Variants in STK32C observed in about 807,000 individuals in gnomAD.
STK32C encodes the protein serine/threonine kinase 32C, also known as serine/threonine-protein kinase 32C.
Under a neutral mutation model 56.5 loss-of-function variants are expected in STK32C, and 31 were observed. That is an observed-to-expected ratio of 0.55 (90% confidence interval 0.41 to 0.74). The LOEUF (loss-of-function observed/expected upper bound fraction) is 0.74, where lower values mean the gene tolerates loss of function less well. Ranked by LOEUF, STK32C falls within the 30% of genes least tolerant of loss-of-function variation. STK32C has a pLI of 0.00. For missense variants in STK32C, 544 were observed against 676.9 expected (o/e 0.80, Z 2.18); for synonymous variants, 309 against 289.4 (o/e 1.07, Z -0.69).
In STK32C at chr10:132,280,018, C is replaced by T. The variant is rs571702836; in HGVS notation, c.262+27554G>A. Among the ~76,000 whole-genome samples, 7 of 142,240 alleles carry T rather than the reference C, an allele frequency of 4.9e-5. No homozygotes were observed. The Admixed American group carries it at 4.9e-4, about 10-fold the overall frequency. The allele number at this position is 142,240 out of a possible 152,430, so 93.3% of individuals were successfully genotyped here. A position where few individuals can be genotyped will look rare whatever the true frequency, so the allele number is the denominator to read the frequency against. On this transcript the variant is annotated intron_variant, in intron 1 of 11. Coordinates refer to ENST00000298630, the MANE Select transcript of STK32C (RefSeq NM_173575.4). ...CCTGCACTCTGTGACCACGCCCCTG[C>T]ACTCCATGATCAGGACACTCCACTC... is the stretch of plus-strand genomic sequence containing the variant.
At chr10:132,238,758 C>T (rs77963347) in intron 2 of STK32C, among the ~76,000 whole-genome samples, 2,970 of 152,322 alleles carry the variant, frequency 0.019, 47 homozygotes, top group Non-Finnish European at 0.033. Context: ...TGGAAATACA[C>T]AGTTCATACA....
chr10:132,314,903 G>A (rs555570518), intron 1 of STK32C, among the ~76,000 whole-genome samples: 3 of 152,284 alleles, frequency 2.0e-5, no homozygotes, highest in Admixed American at 6.5e-5. Context: ...TTGGGAGGCC[G>A]AGGCAGGCAG....
chr10:132,308,221 C>A (rs1208437236), upstream of STK32C, among the ~76,000 whole-genome samples: 1 of 152,070 alleles, frequency 6.6e-6, no homozygotes, highest in Non-Finnish European at 1.5e-5. Flanking sequence ...GACACGGGGA[C>A]CACGGCTCAG....
At chr10:132,252,955 T>A (rs957774222) in intron 1 of STK32C, among the ~76,000 whole-genome samples, 1 of 152,086 alleles carries the variant, frequency 6.6e-6, no homozygotes, top group African/African-American at 2.4e-5. Context: ...CCTCCCACGG[T>A]GTCCGGCAGC....
Position 132,264,938 on chromosome 10 carries a change from C to A in STK32C, c.263-18983G>T, listed in dbSNP as rs116029395. Among the ~76,000 whole-genome samples, 819 of 152,374 alleles carry A rather than the reference C, an allele frequency of 5.4e-3. 8 individuals are homozygous for A. The highest frequency in any genetic ancestry group is 0.019 in the African/African-American group (781 of 41,592). On this transcript the variant is annotated intron_variant, in intron 1 of 11. Transcript: ENST00000298630. Reference sequence around the variant, plus strand: ...TATGTTAAATTCACAAAAGTTCAAGCCTCATCCATCATACCCGTATTTTAT... The same window carrying A: ...TATGTTAAATTCACAAAAGTTCAAGACTCATCCATCATACCCGTATTTTAT...
At chr10:132,234,865 T>C (rs918327512) in intron 2 of STK32C, among the ~76,000 whole-genome samples, 1 of 152,194 alleles carries the variant, frequency 6.6e-6, no homozygotes, top group Non-Finnish European at 1.5e-5. Context: ...TTGTGCAGTA[T>C]GCCCACCGGG....
At chr10:132,234,756 TG>T (rs1254692185) in intron 2 of STK32C, among the ~76,000 whole-genome samples, 2 of 152,130 alleles carry the variant, frequency 1.3e-5, no homozygotes, top group African/African-American at 2.4e-5. Flanking sequence ...CATGAGCTGC[TG>T]GGGGGGCCTT....
intron 1 of STK32C, among the ~76,000 whole-genome samples, chr10:132,327,673 C>T (rs930568047): frequency 3.9e-5 from 6 of 152,030 alleles, no homozygotes; most frequent in South Asian, 4.2e-4. Context: ...ATGGGGGTTT[C>T]GCCATGTTGG....
intron 3 of STK32C, among the ~76,000 whole-genome samples, chr10:132,227,614 A>ACGG (rs1371773834): frequency 7.8e-6 from 1 of 128,640 alleles, no homozygotes; most frequent in African/African-American, 2.7e-5. Context: ...GATGGCGATG[A>ACGG]TGGTGGTGAT....
At chr10:132,291,387 G>A (rs2065559145) in intron 1 of STK32C, among the ~76,000 whole-genome samples, 2 of 152,202 alleles carry the variant, frequency 1.3e-5, no homozygotes, top group Non-Finnish European at 2.9e-5. Flanking sequence ...TTGTGAGGAT[G>A]AGGCTCTGCT....
intron 1 of STK32C, among the ~76,000 whole-genome samples, chr10:132,293,586 G>A (rs566233372): frequency 2.4e-4 from 36 of 152,364 alleles, no homozygotes; most frequent in African/African-American, 2.4e-4. Flanking sequence ...CAAGGCAGCC[G>A]GCCAGGCACA....
intron 1 of STK32C, among the ~76,000 whole-genome samples, chr10:132,262,163 C>T (rs760482601): frequency 5.9e-5 from 9 of 152,058 alleles, no homozygotes; most frequent in Non-Finnish European, 8.8e-5. Flanking sequence ...ATCTGATCTT[C>T]GACAAAGCTG....
chr10:132,273,465 T>C (rs915193701), intron 1 of STK32C, among the ~76,000 whole-genome samples: 3 of 151,866 alleles, frequency 2.0e-5, no homozygotes, highest in Admixed American at 1.3e-4. Flanking sequence ...GAAAACACAG[T>C]GAGTGAATGG....
intron 10 of STK32C, among the ~76,000 whole-genome samples, chr10:132,209,626 ACTTC>A (rs1022037797): frequency 1.4e-5 from 2 of 140,158 alleles, no homozygotes; most frequent in African/African-American, 5.4e-5. Context: ...AGGCAGGACT[ACTTC>A]CTTCAGGCAG....
chr10:132,225,266 C>G lies in STK32C; in HGVS notation c.843G>C (p.Val281=). The G allele has an allele frequency of 1.9e-6, 3 of 1,611,708 alleles. No individual in the cohort carries two copies. Among genetic ancestry groups the G allele is most frequent in the Non-Finnish European group, 2.5e-6 (3 of 1,179,220 alleles). ...GYSFEVDWWS[V]GVMAYELLRG... is the part of the protein sequence containing the mutation. Reference sequence around the variant, plus strand: ...GCAGCAGCTCATAGGCCATCACCCCCACCGACCACCAGTCCACCTCGAAGG... The same window carrying G: ...GCAGCAGCTCATAGGCCATCACCCCGACCGACCACCAGTCCACCTCGAAGG... Residue 281 remains valine, a synonymous_variant, in exon 7 of 12, where the codon GTG becomes GTC. Transcript: ENST00000298630.
intron 2 of STK32C, among the ~76,000 whole-genome samples, chr10:132,240,071 GC>G (rs578226676): frequency 1.7e-3 from 252 of 151,926 alleles, no homozygotes; most frequent in African/African-American, 5.7e-3. Context: ...AGAGCACGAG[GC>G]CCCCCCCAAA....
chr10:132,226,090 C>A (rs901342718), intron 4 of STK32C, among the ~76,000 whole-genome samples: 1 of 152,228 alleles, frequency 6.6e-6, no homozygotes, highest in Non-Finnish European at 1.5e-5. Context: ...CTGCCCTCCC[C>A]CTCCAAGACT....
chr10:132,249,151 G>A lies in STK32C; in HGVS notation c.263-3196C>T, dbSNP rs770173225. ...TGTGGCGTCAGGGCGTGCAGGGGGC[G>A]GGGCGTGCAGGGGGCGGGGCTATGG... On this transcript the variant is annotated intron_variant, in intron 1 of 11. Coordinates refer to ENST00000298630, the MANE Select transcript of STK32C (RefSeq NM_173575.4). The A allele has an allele frequency of 7.2e-5, 31 of 429,868 alleles. 1 individual carries two copies. The highest frequency in any genetic ancestry group is 5.1e-4 in the South Asian group (31 of 60,672). The allele number at this position is 429,868 out of a possible 1,614,324, so 26.6% of individuals were successfully genotyped here. A position where few individuals can be genotyped will look rare whatever the true frequency, so the allele number is the denominator to read the frequency against.
intron 2 of STK32C, among the ~76,000 whole-genome samples, chr10:132,235,659 G>GAC (rs774056605): frequency 2.0e-4 from 30 of 152,262 alleles, no homozygotes; most frequent in South Asian, 1.0e-3. Context: ...GGATGCTCAG[G>GAC]ACACAGAGCC....
Sources: gnomAD v4.1 joint callset for allele counts (sites outside exome capture counted in the v4.1 genomes callset) on GRCh38, gnomAD v4.1.1 for gene constraint, MANE v1.5 for transcripts, NCBI Gene and HGNC (gene_info 2026-07-23, HGNC 2026-07-21) for gene names.